The following MGAT4C variants were observed in gnomAD, a reference collection of about 807,000 sequenced individuals.
MGAT4C encodes MGAT4 family member C.
Under a neutral mutation model 40.1 loss-of-function variants are expected in MGAT4C, and 19 were observed. The ratio of observed to expected loss-of-function variants is 0.47; its 90% confidence interval spans 0.33 to 0.70. The LOEUF is 0.70. Among genes scored for constraint, MGAT4C ranks in the 30% least tolerant of loss-of-function variants. MGAT4C has a pLI of 0.02. For missense variants in MGAT4C, 491 were observed against 563.2 expected (o/e 0.87, Z 1.30); for synonymous variants, 181 against 187.1 (o/e 0.97, Z 0.27).
At chr12:86,340,254 C>G (rs1007650886) in intron 3 of MGAT4C, among the ~76,000 whole-genome samples, 38 of 151,996 alleles carry the variant, frequency 2.5e-4, no homozygotes, top group African/African-American at 8.9e-4. Flanking sequence ...TCCACAATGT[C>G]TGACACTCAG....
intron 2 of MGAT4C, among the ~76,000 whole-genome samples, chr12:86,028,382 T>C (rs992782425): frequency 6.6e-6 from 1 of 151,916 alleles, no homozygotes; most frequent in African/African-American, 2.4e-5. Context: ...TGCTGATTTC[T>C]CTCCTATAGG....
At chr12:86,764,328 C>T (rs1321381250) in intron 1 of MGAT4C, among the ~76,000 whole-genome samples, 2 of 152,134 alleles carry the variant, frequency 1.3e-5, no homozygotes, top group Non-Finnish European at 1.5e-5. Context: ...CCCGCCATTG[C>T]CCAGGCTTGA....
chr12:86,633,851 A>T lies in MGAT4C; in HGVS notation c.-229+93358T>A, dbSNP rs574159252. Among the ~76,000 whole-genome samples the T allele has an allele frequency of 1.8e-4, 27 of 152,158 alleles. No individual in the cohort carries two copies. The South Asian group carries it at 5.6e-3, about 32-fold the overall frequency. On this transcript the variant is annotated intron_variant, in intron 2 of 7. Transcript: ENST00000548651. ...CTCAGGGATGAAATGAGATTCTTAGATCATTAAGTTGCCTCCTCCATACTT... is the reference window on the plus strand; with the variant it reads ...CTCAGGGATGAAATGAGATTCTTAGTTCATTAAGTTGCCTCCTCCATACTT...
At chr12:86,498,238 A>G (rs993991487) in intron 2 of MGAT4C, among the ~76,000 whole-genome samples, 2 of 151,490 alleles carry the variant, frequency 1.3e-5, no homozygotes, top group Non-Finnish European at 3.0e-5. Flanking sequence ...CAATTGTCTC[A>G]AGTATATGCA....
chr12:86,497,438 C>G (rs921091830), intron 2 of MGAT4C, among the ~76,000 whole-genome samples: 4 of 151,866 alleles, frequency 2.6e-5, no homozygotes, highest in Non-Finnish European at 4.4e-5. Context: ...GAAATTGTTA[C>G]TTTTATTGTG....
At chr12:86,177,742 T>C (rs1887622622) in intron 1 of MGAT4C, among the ~76,000 whole-genome samples, 1 of 152,146 alleles carries the variant, frequency 6.6e-6, no homozygotes, top group South Asian at 2.1e-4. Flanking sequence ...TAATATAATA[T>C]ATTTTCGATT....
chr12:86,756,188 T>C (rs1383299554), intron 1 of MGAT4C, among the ~76,000 whole-genome samples: 5 of 152,072 alleles, frequency 3.3e-5, no homozygotes. Flanking sequence ...TTTCAAAGTG[T>C]TCTTGTTGAA....
intron 2 of MGAT4C, among the ~76,000 whole-genome samples, chr12:86,462,315 A>G (rs1344174745): frequency 6.6e-6 from 1 of 152,196 alleles, no homozygotes; most frequent in Non-Finnish European, 1.5e-5. Context: ...ATATTTACTG[A>G]GCACTTATTA....
At chr12:86,695,725 A>T (rs1200503626) in intron 2 of MGAT4C, among the ~76,000 whole-genome samples, 3 of 152,140 alleles carry the variant, frequency 2.0e-5, no homozygotes, top group Non-Finnish European at 4.4e-5. Context: ...AAATCAAAAC[A>T]ATCGAACTCA....
chr12:86,073,287 A>T (rs926115808), intron 1 of MGAT4C, among the ~76,000 whole-genome samples: 1 of 152,210 alleles, frequency 6.6e-6, no homozygotes, highest in Non-Finnish European at 1.5e-5. Flanking sequence ...CTGTGAGTCC[A>T]TTAAATATAT....
intron 1 of MGAT4C, among the ~76,000 whole-genome samples, chr12:86,120,759 C>T (rs1327349866): frequency 6.6e-6 from 1 of 152,084 alleles, no homozygotes; most frequent in Admixed American, 6.5e-5. Flanking sequence ...CATCAAAGAC[C>T]AAAGGTAGAT....
intron 1 of MGAT4C, among the ~76,000 whole-genome samples, chr12:86,200,472 A>G (rs946676992): frequency 6.6e-6 from 1 of 152,102 alleles, no homozygotes; most frequent in South Asian, 2.1e-4. Context: ...CACTACCAGT[A>G]TATTAAGAGT....
intron 1 of MGAT4C, among the ~76,000 whole-genome samples, chr12:86,186,758 G>A (rs1888801791): frequency 6.6e-6 from 1 of 152,096 alleles, no homozygotes; most frequent in Admixed American, 6.6e-5. Flanking sequence ...CTTATCATGA[G>A]TAGAGTCTGC....
At chr12:86,200,365 A>G (rs1950005050) in intron 1 of MGAT4C, among the ~76,000 whole-genome samples, 1 of 152,094 alleles carries the variant, frequency 6.6e-6, no homozygotes, top group Non-Finnish European at 1.5e-5. Flanking sequence ...GTAGTTTTGT[A>G]AACATGTATT....
intron 1 of MGAT4C, among the ~76,000 whole-genome samples, chr12:86,811,242 AC>A (rs891289812): frequency 1.3e-5 from 2 of 151,198 alleles, no homozygotes; most frequent in African/African-American, 4.8e-5. Flanking sequence ...TAAATGATCG[AC>A]TATAAGGCAT....
At chr12:86,739,535 A>G (rs999250750) in intron 1 of MGAT4C, among the ~76,000 whole-genome samples, 4 of 150,990 alleles carry the variant, frequency 2.6e-5, no homozygotes, top group Non-Finnish European at 5.9e-5. Flanking sequence ...TTGGGGGAAA[A>G]AAAAAGGATG....
At chr12:86,333,489 C>G (rs1954718036) in intron 4 of MGAT4C, among the ~76,000 whole-genome samples, 2 of 152,144 alleles carry the variant, frequency 1.3e-5, no homozygotes, top group Admixed American at 1.3e-4. Context: ...AAGAACAAAA[C>G]AGCAGGCTAT....
rs570480932 is a variant in MGAT4C, at chr12:86,624,771, G to A, written c.-229+102438C>T. Among the ~76,000 whole-genome samples the A allele has an allele frequency of 2.6e-5, 4 of 152,050 alleles. No individual in the cohort carries two copies. In the East Asian group the frequency reaches 7.8e-4, roughly 29 times the overall value. Reference sequence around the variant, plus strand: ...CATAAGAAAAGCACAGACAGAGAAAGGTATGGTCTATGTATGGGGAAAAAA... The same window carrying A: ...CATAAGAAAAGCACAGACAGAGAAAAGTATGGTCTATGTATGGGGAAAAAA... On this transcript the variant is annotated intron_variant, in intron 2 of 7. Transcript: ENST00000548651.
chr12:86,748,475 TA>T, intron 1 of MGAT4C, among the ~76,000 whole-genome samples: 1 of 151,714 alleles, frequency 6.6e-6, no homozygotes, highest in East Asian at 1.9e-4. Flanking sequence ...TATTCAAGGA[TA>T]ATTGACTTTA....
Sources: gnomAD v4.1 joint callset for allele counts (sites outside exome capture counted in the v4.1 genomes callset) on GRCh38, gnomAD v4.1.1 for gene constraint, MANE v1.5 for transcripts, NCBI Gene and HGNC (gene_info 2026-07-23, HGNC 2026-07-21) for gene names.